IPP: variants seen among roughly 807,000 people sequenced by gnomAD.
IPP encodes the protein intracisternal A particle-promoted polypeptide, also known as actin-binding protein IPP.
In IPP, 41 loss-of-function variants were observed where a neutral mutation model predicts 64.1. That is an observed-to-expected ratio of 0.64 (90% confidence interval 0.50 to 0.83). The LOEUF (loss-of-function observed/expected upper bound fraction) is 0.83, where lower values mean the gene tolerates loss of function less well. Ranked by LOEUF, IPP falls within the 40% of genes least tolerant of loss-of-function variation. The pLI, the probability that IPP is intolerant of heterozygous loss-of-function variation, is 0.00. For synonymous variants in IPP, 214 were observed against 235.2 expected (o/e 0.91, Z 0.83); for missense variants, 649 against 703.0 (o/e 0.92, Z 0.87).
At chr1:45,701,116 TA>T (rs1357876960) in intron 8 of IPP, among the ~76,000 whole-genome samples, 1 of 152,250 alleles carries the variant, frequency 6.6e-6, no homozygotes, top group East Asian at 1.9e-4. Context: ...AGGTATTTTT[TA>T]AAAAAAGACA....
intron 3 of IPP, among the ~76,000 whole-genome samples, chr1:45,738,839 C>CAAAAAAAAAAAA (rs752168393): frequency 3.8e-3 from 28 of 7,464 alleles, no homozygotes; most frequent in Admixed American, 6.9e-3. Context: ...GACTCCATCT[C>CAAAAAAAAAAAA]AAAAAAAAAA....
chr1:45,746,065 G>A (rs1345009070), intron 2 of IPP, 55 bp downstream of exon 2: 3 of 1,411,080 alleles, frequency 2.1e-6, no homozygotes, highest in African/African-American at 1.4e-5. Flanking sequence ...TTCCACATTA[G>A]TGCATGAGTG....
At position 45,748,802 on chromosome 1, in the gene IPP, T is replaced by G. The variant is rs2148588180; in HGVS notation, c.-51+1795A>C. 2.0e-5 allele frequency among the ~76,000 whole-genome samples: 3 copies of G among 152,142 alleles called. No homozygotes were observed. In the South Asian group the frequency reaches 6.2e-4, roughly 32 times the overall value. The stretch of plus-strand genomic sequence containing the variant: ...GCCTGGCCAACATGGTGACCCCATC[T>G]CTACTAAAAAATACAAAAAATTACC... On this transcript the variant is annotated intron_variant, in intron 1 of 8. Coordinates refer to ENST00000396478, the MANE Select transcript of IPP (RefSeq NM_005897.3).
chr1:45,740,808 A>G (rs897432095), intron 3 of IPP, 93 bp downstream of exon 3: 12 of 750,192 alleles, frequency 1.6e-5, no homozygotes, highest in Non-Finnish European at 2.6e-5. Context: ...AATGTCTGTT[A>G]CTGAACCAAA....
chr1:45,742,449 G>GTT (rs2148582890), intron 2 of IPP, among the ~76,000 whole-genome samples: 1 of 152,320 alleles, frequency 6.6e-6, no homozygotes, highest in Non-Finnish European at 1.5e-5. Flanking sequence ...TTATATGCAT[G>GTT]TAACAGACAT....
chr1:45,737,879 TC>T (rs1646001238), intron 3 of IPP, among the ~76,000 whole-genome samples: 1 of 152,186 alleles, frequency 6.6e-6, no homozygotes, highest in Admixed American at 6.6e-5. Flanking sequence ...TCATCTCATA[TC>T]ATCACCAGAA....
intron 3 of IPP, among the ~76,000 whole-genome samples, chr1:45,740,016 TG>T (rs901117084): frequency 8.5e-5 from 13 of 152,094 alleles, no homozygotes; most frequent in African/African-American, 2.9e-4. Context: ...TAGGGAGTGG[TG>T]ATGACTCTTA....
chr1:45,714,998 C>T (rs572903732), intron 7 of IPP, among the ~76,000 whole-genome samples: 28 of 152,054 alleles, frequency 1.8e-4, no homozygotes, highest in Non-Finnish European at 2.2e-4. Context: ...GAGGACAGGG[C>T]AGGCGGATCA....
downstream of IPP, chr1:45,694,504 A>G (rs1346420243): frequency 2.0e-6 from 3 of 1,526,440 alleles, no homozygotes; most frequent in Admixed American, 2.0e-5. Context: ...AAAACCTCGT[A>G]TCTGTGAGTA....
At position 45,740,920 on chromosome 1, in the gene IPP, T is replaced by G; in HGVS notation, c.705A>C (p.Arg235Ser). 6.3e-7 allele frequency: 1 copy of G among 1,598,686 alleles called. No individual in the cohort carries two copies. The highest frequency in any genetic ancestry group is 8.5e-7 in the Non-Finnish European group (1 of 1,173,908). The change falls in exon 3 of 9, where the codon AGA (arginine) becomes AGC (serine). Residue 235 changes from arginine to serine, a missense_variant. Physicochemically the swap from Arg to Ser is moderately radical, Grantham distance 110. Coordinates refer to ENST00000396478, the MANE Select transcript of IPP (RefSeq NM_005897.3). ...PIRFPLLPPQRLLKYIEGVSD... is the reference protein window; with the variant it reads ...PIRFPLLPPQSLLKYIEGVSD... ...AGTTACCTTCTATATACTTTAAAAG[T>G]CTCTGAGGAGGTAATAAAGGGAATC...
downstream of IPP, chr1:45,694,438 T>G (rs1280825953): frequency 6.6e-7 from 1 of 1,520,684 alleles, no homozygotes; most frequent in Admixed American, 2.0e-5. Flanking sequence ...AAAATCCCCT[T>G]TGTTAGAGTC....
At chr1:45,742,340 A>C (rs1423291497) in intron 2 of IPP, among the ~76,000 whole-genome samples, 3 of 152,190 alleles carry the variant, frequency 2.0e-5, no homozygotes, top group Non-Finnish European at 4.4e-5. Flanking sequence ...CCCATGGAAC[A>C]AACCCGCATA....
In IPP at chr1:45,708,988, C is replaced by T. The variant is rs543430292; in HGVS notation, c.1530+5258G>A. On this transcript the variant is annotated intron_variant, in intron 8 of 8. Coordinates refer to ENST00000396478, the MANE Select transcript of IPP (RefSeq NM_005897.3). ...GGCAGAGGTTGTAGTGATCCGAGCT[C>T]GTGCCGCTGCACTCCAGCCTGGGCA... 1.6e-4 allele frequency among the ~76,000 whole-genome samples: 20 copies of T among 128,164 alleles called. No individual in the cohort carries two copies. The South Asian group carries it at 4.0e-3, about 26-fold the overall frequency. The allele number at this position is 128,164 out of a possible 152,430, so 84.1% of individuals were successfully genotyped here.
intron 1 of IPP, among the ~76,000 whole-genome samples, chr1:45,749,642 T>C (rs1291164684): frequency 6.6e-6 from 1 of 150,696 alleles, no homozygotes; most frequent in East Asian, 2.0e-4. Flanking sequence ...TGCCTCAGCC[T>C]CCCGAGCAGC....
rs545607853 is a variant in IPP, at chr1:45,717,926, A to G, written c.1187-909T>C. ...GATTAAATTCACCTTAAGGTAACTG[A>G]TATTTTTTCCACAATAGGTTTGGAT... On this transcript the variant is annotated intron_variant, in intron 6 of 8. Coordinates refer to ENST00000396478, the MANE Select transcript of IPP (RefSeq NM_005897.3). 2.0e-5 allele frequency among the ~76,000 whole-genome samples: 3 copies of G among 152,344 alleles called. No individual in the cohort carries two copies. The South Asian group carries it at 6.2e-4, about 32-fold the overall frequency.
intron 8 of IPP, among the ~76,000 whole-genome samples, chr1:45,704,347 C>A (rs1173003434): frequency 6.6e-6 from 1 of 151,734 alleles, no homozygotes; most frequent in Non-Finnish European, 1.5e-5. Flanking sequence ...AAGCGATTCT[C>A]CTGCCTCAGC....
intron 8 of IPP, among the ~76,000 whole-genome samples, chr1:45,713,188 G>A (rs1472896543): frequency 2.0e-5 from 3 of 152,118 alleles, no homozygotes; most frequent in South Asian, 2.1e-4. Flanking sequence ...AGTGCTTTGG[G>A]ATGCCAAGGC....
chr1:45,706,976 A>T (rs1380775513), intron 8 of IPP, among the ~76,000 whole-genome samples: 2 of 152,250 alleles, frequency 1.3e-5, no homozygotes, highest in Non-Finnish European at 2.9e-5. Flanking sequence ...ACCATAGTGC[A>T]TGTCTGTAGT....
downstream of IPP, chr1:45,698,095 G>A (rs1228699395): frequency 6.6e-6 from 1 of 152,084 alleles, no homozygotes. Context: ...CTGAGGTCAG[G>A]AGTTCGAGAC....
Sources: allele counts gnomAD v4.1 joint callset (sites outside exome capture counted in the v4.1 genomes callset), GRCh38; gene constraint gnomAD v4.1.1; transcripts MANE v1.5; gene names NCBI Gene and HGNC (gene_info 2026-07-23, HGNC 2026-07-21).